The following AFAP1L1 variants were observed in gnomAD, a reference collection of about 807,000 sequenced individuals.
AFAP1L1 encodes the protein actin filament-associated protein 1-like 1.
In AFAP1L1, 77 loss-of-function variants were observed where a neutral mutation model predicts 99.8. The ratio of observed to expected loss-of-function variants is 0.77; its 90% CI spans 0.64 to 0.93. The LOEUF (loss-of-function observed/expected upper bound fraction) is 0.93, where lower values mean the gene tolerates loss of function less well. AFAP1L1 is among the 40% of genes least tolerant of loss of function. AFAP1L1 has a pLI of 0.00. For synonymous variants in AFAP1L1, 373 were observed against 395.3 expected (o/e 0.94, Z 0.67); for missense variants, 893 against 996.8 (o/e 0.90, Z 1.40).
In AFAP1L1 at chr5:149,322,601, A is replaced by G; in HGVS notation, c.1699-5A>G. On this transcript the variant is annotated splice_region_variant and splice_polypyrimidine_tract_variant and intron_variant, in intron 14 of 18. Coordinates refer to ENST00000296721, the MANE Select transcript of AFAP1L1 (RefSeq NM_152406.4). The stretch of plus-strand genomic sequence containing the variant: ...ACTTGACTGTCTTCCTCCATCTCCC[A>G]CCAGGACGAGGAGCCCGAGCGCCCC... 2 of 1,562,574 alleles carry G rather than the reference A, an allele frequency of 1.3e-6. No individual in the cohort carries two copies. The highest frequency in any genetic ancestry group is 1.7e-6 in the Non-Finnish European group (2 of 1,152,026).
Position 149,332,720 on chromosome 5 carries a change from A to C in AFAP1L1, c.2001A>C (p.Glu667Asp). ...SPGAKLKALE[E>D]AVATLEAQCR... ...GAGCAAAATTAAAGGCTCTGGAAGAAGCCGTGGCCACCCTGGAAGCTCAGT... is the reference window on the plus strand; with the variant it reads ...GAGCAAAATTAAAGGCTCTGGAAGACGCCGTGGCCACCCTGGAAGCTCAGT... Residue 667 changes from glutamate (E) to aspartate (D), a missense_variant, in exon 17 of 19, where the codon GAA becomes GAC. By Grantham distance (45) the Glu-to-Asp change is conservative. Coordinates refer to ENST00000296721, the MANE Select transcript of AFAP1L1 (RefSeq NM_152406.4). 6.2e-7 allele frequency: 1 copy of C among 1,613,650 alleles called. No individual in the cohort carries two copies. Among genetic ancestry groups the C allele is most frequent in the Admixed American group, 1.7e-5 (1 of 59,906 alleles).
chr5:149,321,807 A>G (rs1163234866), intron 14 of AFAP1L1, among the ~76,000 whole-genome samples: 1 of 149,640 alleles, frequency 6.7e-6, no homozygotes, highest in Admixed American at 6.6e-5. Context: ...TAGGAAGCTG[A>G]GGTGGGTGGA....
intron 10 of AFAP1L1, 31 bp downstream of exon 10, chr5:149,315,945 A>G: frequency 1.9e-6 from 3 of 1,612,276 alleles, no homozygotes; most frequent in Non-Finnish European, 2.5e-6. Flanking sequence ...AGGCTGGGGA[A>G]TGCTGGAACT....
chr5:149,305,765 A>G (rs1260987777), intron 5 of AFAP1L1, among the ~76,000 whole-genome samples: 1 of 152,118 alleles, frequency 6.6e-6, no homozygotes, highest in Non-Finnish European at 1.5e-5. Context: ...AGGAAGTAAG[A>G]GGAAGGGCTG....
At position 149,316,589 on chromosome 5, in the gene AFAP1L1, T is replaced by G. The variant is rs542765278; in HGVS notation, c.1267+286T>G. ...CACTGCCCATCCCTGGGCCTCAGTT[T>G]CTCAGTTTCCTCCACGATAACAAGA... On this transcript the variant is annotated intron_variant, in intron 11 of 18. Coordinates refer to ENST00000296721, the MANE Select transcript of AFAP1L1 (RefSeq NM_152406.4). Among the ~76,000 whole-genome samples the G allele has an allele frequency of 7.9e-5, 12 of 152,324 alleles. No individual in the cohort carries two copies. The East Asian group carries it at 2.3e-3, about 29-fold the overall frequency.
chr5:149,326,403 G>A (rs1251105738), intron 15 of AFAP1L1, among the ~76,000 whole-genome samples: 1 of 151,960 alleles, frequency 6.6e-6, no homozygotes, highest in East Asian at 1.9e-4. Context: ...GCCAGGCATG[G>A]TGGCGGGCAC....
chr5:149,310,265 G>A lies in AFAP1L1; in HGVS notation c.927+130G>A, dbSNP rs868813715. 47 of 1,172,914 alleles carry A rather than the reference G, an allele frequency of 4.0e-5. No individual in the cohort carries two copies. In the East Asian group the frequency reaches 5.7e-4, roughly 14 times the overall value. 72.7% of individuals were successfully genotyped at this position (1,172,914 alleles called of 1,614,324 possible). A position where few individuals can be genotyped will look rare whatever the true frequency, so the allele number is the denominator to read the frequency against. On this transcript the variant is annotated intron_variant, in intron 8 of 18. Transcript: ENST00000296721. ...GTGCCTGAGCCCAAGTGCCCTCTGC[G>A]TGGCTAGGGCTTATGTATGGAAATG...
intron 1 of AFAP1L1, among the ~76,000 whole-genome samples, chr5:149,289,825 A>G (rs544592213): frequency 6.6e-6 from 1 of 152,330 alleles, no homozygotes; most frequent in Admixed American, 6.5e-5. Context: ...CACAGACAGA[A>G]AAAGCATCCT....
intron 1 of AFAP1L1, among the ~76,000 whole-genome samples, chr5:149,273,065 G>A (rs1031627467): frequency 1.3e-5 from 2 of 151,740 alleles, no homozygotes; most frequent in African/African-American, 2.4e-5. Context: ...GCATGTGTGT[G>A]TCTGTAAAGA....
At chr5:149,276,208 C>T (rs997351145) in intron 1 of AFAP1L1, among the ~76,000 whole-genome samples, 1 of 152,220 alleles carries the variant, frequency 6.6e-6, no homozygotes, top group Non-Finnish European at 1.5e-5. Flanking sequence ...AGATATTTCA[C>T]AGCAATTGCT....
Position 149,301,149 on chromosome 5 carries a change from C to T in AFAP1L1, c.246C>T (p.Asp82=), listed in dbSNP as rs543054589. The T allele has an allele frequency of 6.2e-7, 1 of 1,614,028 alleles. No individual in the cohort carries two copies. The highest frequency in any genetic ancestry group is 1.7e-5 in the Admixed American group (1 of 60,022). ...LFEEFDCDLS[D]LRDMPEDDGE... is the part of the protein sequence containing the mutation. The stretch of plus-strand genomic sequence containing the variant: ...CCTCTGTAGACTGTGACCTGAGTGA[C>T]CTTCGGGACATGCCAGAGGATGATG... The change falls in exon 4 of 19, where the codon GAC becomes GAT. Residue 82 remains aspartate (D), a synonymous_variant. Coordinates refer to ENST00000296721, the MANE Select transcript of AFAP1L1 (RefSeq NM_152406.4).
chr5:149,331,416 C>T (rs756211015), intron 16 of AFAP1L1, among the ~76,000 whole-genome samples: 26 of 152,054 alleles, frequency 1.7e-4, no homozygotes, highest in Admixed American at 7.2e-4. Flanking sequence ...GTCAGGAGAT[C>T]GAGACCATCC....
chr5:149,340,259 A>T lies in AFAP1L1; in HGVS notation c.*229A>T. 3.8e-6 allele frequency: 2 copies of T among 530,076 alleles called. No individual in the cohort carries two copies. The highest frequency in any genetic ancestry group is 6.8e-6 in the Non-Finnish European group (2 of 293,376). 32.8% of individuals were successfully genotyped at this position (530,076 alleles called of 1,614,324 possible). ...ATCCTTATGACTTTACAAAGGGTGG[A>T]AATGAGGATGGAGGGATACAGAAGT... On this transcript the variant is annotated 3_prime_UTR_variant, in exon 19 of 19. Transcript: ENST00000296721.
intron 7 of AFAP1L1, among the ~76,000 whole-genome samples, chr5:149,307,858 T>TCTCTCTCTC (rs1561672922): frequency 5.4e-4 from 6 of 11,166 alleles, no homozygotes; most frequent in Non-Finnish European, 1.2e-3. Flanking sequence ...CTCTCTCTCT[T>TCTCTCTCTC]AAATTTAAAG....
At chr5:149,318,160 T>C (rs1298011970) in intron 12 of AFAP1L1, among the ~76,000 whole-genome samples, 1 of 152,216 alleles carries the variant, frequency 6.6e-6, no homozygotes, top group Non-Finnish European at 1.5e-5. Flanking sequence ...TTACCTGAAA[T>C]GTTTTCATAA....
At position 149,335,586 on chromosome 5, in the gene AFAP1L1, A is replaced by G; in HGVS notation, c.2155-8A>G. On this transcript the variant is annotated splice_region_variant and splice_polypyrimidine_tract_variant and intron_variant, in intron 17 of 18. Transcript: ENST00000296721. ...CTCACCTATATAATTATTTATTGCC[A>G]TCAACAGGAAACTGCAAATAAACCC... The G allele has an allele frequency of 6.2e-7, 1 of 1,612,004 alleles. No homozygotes were observed.
rs867937688 is a variant in AFAP1L1, at chr5:149,326,573, T to A, written c.1811-3093T>A. ...AAAAAAAAAAAAAAAGAAAGAAAAA[T>A]ATATATATATTTAAAAAGAAATTTT... is the stretch of plus-strand genomic sequence containing the variant. On this transcript the variant is annotated intron_variant, in intron 15 of 18. Transcript: ENST00000296721. 1.3e-3 allele frequency among the ~76,000 whole-genome samples: 191 copies of A among 143,066 alleles called. 1 individual carries two copies. The highest frequency in any genetic ancestry group is 3.8e-3 in the African/African-American group (145 of 38,404). The allele number at this position is 143,066 out of a possible 152,430, so 93.9% of individuals were successfully genotyped here.
intron 17 of AFAP1L1, 152 bp downstream of exon 17, chr5:149,333,025 G>A (rs926484354): frequency 9.1e-7 from 1 of 1,093,156 alleles, no homozygotes; most frequent in Non-Finnish European, 1.3e-6. Flanking sequence ...GGCATGCCAT[G>A]GGTGGCACAG....
chr5:149,320,576 T>A lies in AFAP1L1; in HGVS notation c.1698+113T>A. 1.0e-6 allele frequency: 1 copy of A among 972,444 alleles called. No individual in the cohort carries two copies. The highest frequency in any genetic ancestry group is 1.6e-6 in the Non-Finnish European group (1 of 636,190). The allele number at this position is 972,444 out of a possible 1,614,324, so 60.2% of individuals were successfully genotyped here. A position where few individuals can be genotyped will look rare whatever the true frequency, so the allele number is the denominator to read the frequency against. On this transcript the variant is annotated intron_variant, in intron 14 of 18. Coordinates refer to ENST00000296721, the MANE Select transcript of AFAP1L1 (RefSeq NM_152406.4). The surrounding 1 kb of genome is among the most constrained non-coding windows in gnomAD (Gnocchi z 4.0). ...AAGATCATTTTCATTTAAGCAGCAG[T>A]AGCTAGAAGGGGAGCCCCTTCTTAT...
Sources: gnomAD v4.1 joint callset for allele counts (sites outside exome capture counted in the v4.1 genomes callset) on GRCh38, gnomAD v4.1.1 for gene constraint, Gnocchi (gnomAD v3.1) non-coding constraint, MANE v1.5 for transcripts, NCBI Gene and HGNC (gene_info 2026-07-23, HGNC 2026-07-21) for gene names.